The following SH3PXD2B variants were observed in gnomAD, a reference collection of about 807,000 sequenced individuals.
SH3PXD2B encodes the protein SH3 and PX domain-containing protein 2B.
Under a neutral mutation model 73.1 loss-of-function variants are expected in SH3PXD2B, and 37 were observed. The ratio of observed to expected loss-of-function variants is 0.51; its 90% CI spans 0.39 to 0.67. SH3PXD2B has a LOEUF of 0.67. Ranked by LOEUF, SH3PXD2B falls within the 30% of genes least tolerant of loss-of-function variation. The pLI is 0.00. For synonymous variants in SH3PXD2B, 457 were observed against 480.5 expected (o/e 0.95, Z 0.64); for missense variants, 1,053 against 1,197.8 (o/e 0.88, Z 1.78).
intron 4 of SH3PXD2B, among the ~76,000 whole-genome samples, chr5:172,391,547 C>T (rs1451796465): frequency 2.0e-5 from 3 of 152,206 alleles, no homozygotes; most frequent in Non-Finnish European, 4.4e-5. Flanking sequence ...ACTGCAACCT[C>T]CACCTCCTGG....
chr5:172,369,455 G>A (rs74291583), intron 6 of SH3PXD2B, among the ~76,000 whole-genome samples: 5,806 of 152,202 alleles, frequency 0.038, 200 homozygotes, highest in South Asian at 0.2. Context: ...GTAAGTGTCT[G>A]AATGAAGGAA....
At chr5:172,423,584 T>G (rs974489629) in intron 1 of SH3PXD2B, among the ~76,000 whole-genome samples, 7 of 149,302 alleles carry the variant, frequency 4.7e-5, no homozygotes, top group Non-Finnish European at 7.4e-5. Flanking sequence ...TGGTGATTGG[T>G]TGAAGGGAGA....
At chr5:172,358,951 T>G in intron 7 of SH3PXD2B, 74 bp from the exon 8 acceptor site, 5 of 1,369,038 alleles carry the variant, frequency 3.7e-6, no homozygotes, top group South Asian at 1.2e-5. Flanking sequence ...TAATAATCTA[T>G]TCAGCCACTG....
chr5:172,393,383 G>A (rs904568358), intron 4 of SH3PXD2B, among the ~76,000 whole-genome samples: 4 of 152,040 alleles, frequency 2.6e-5, no homozygotes, highest in African/African-American at 4.8e-5. Flanking sequence ...AAATACAATT[G>A]TTTTCTGTAT....
At chr5:172,443,184 A>C (rs903455582) in intron 1 of SH3PXD2B, among the ~76,000 whole-genome samples, 1 of 152,234 alleles carries the variant, frequency 6.6e-6, no homozygotes, top group Non-Finnish European at 1.5e-5. Context: ...ACTTGGAAAT[A>C]GTAAGGAGTA....
Position 172,337,466 on chromosome 5 carries a change from G to A in SH3PXD2B, c.*903C>T, listed in dbSNP as rs1381451949. 17 of 984,364 alleles carry A rather than the reference G, an allele frequency of 1.7e-5. No homozygotes were observed. The highest frequency in any genetic ancestry group is 1.9e-5 in the Non-Finnish European group (16 of 829,054). 61.0% of individuals were successfully genotyped at this position (984,364 alleles called of 1,614,324 possible). On this transcript the variant is annotated 3_prime_UTR_variant, in exon 13 of 13. Coordinates refer to ENST00000311601, the MANE Select transcript of SH3PXD2B (RefSeq NM_001017995.3). Reference sequence around the variant, plus strand: ...GTGAGGGTCAAAGCATGAATGCAAAGCGCCAAGTACAGTGTTTGGCACCCA... The same window carrying A: ...GTGAGGGTCAAAGCATGAATGCAAAACGCCAAGTACAGTGTTTGGCACCCA...
chr5:172,338,252 AC>A lies in SH3PXD2B; in HGVS notation c.*116del. On this transcript the variant is annotated 3_prime_UTR_variant, in exon 13 of 13. Transcript: ENST00000311601. This position sits in a 1 kb window ranked among gnomAD's most constrained non-coding sequence, Gnocchi z 5.1. ...CCCATGGGAGGCAAGAAGTCACAGT[AC>A]CCCAGAGTCTGTCTGCCTTGGAAGC... is the stretch of plus-strand genomic sequence containing the variant. 3.2e-6 allele frequency: 5 copies of A among 1,585,264 alleles called. No individual in the cohort carries two copies. The highest frequency in any genetic ancestry group is 3.4e-6 in the Non-Finnish European group (4 of 1,167,416).
intron 5 of SH3PXD2B, among the ~76,000 whole-genome samples, chr5:172,381,238 T>G (rs919664219): frequency 2.0e-5 from 3 of 152,216 alleles, no homozygotes; most frequent in Non-Finnish European, 4.4e-5. Context: ...GAACAGAGCC[T>G]GGCTGGTACT....
chr5:172,362,674 T>C lies in SH3PXD2B; in HGVS notation c.562+61A>G. On this transcript the variant is annotated intron_variant, in intron 7 of 12. Transcript: ENST00000311601. ...ATTTCAGTTTCTGAGTTTCCAAATG[T>C]TTCATGTCCCAGGGGCTTGGTGGCA... 2.5e-6 allele frequency: 4 copies of C among 1,613,030 alleles called. No homozygotes were observed. The South Asian group carries it at 3.3e-5, about 13-fold the overall frequency.
At chr5:172,416,474 C>T (rs1224963805) in intron 2 of SH3PXD2B, among the ~76,000 whole-genome samples, 1 of 151,716 alleles carries the variant, frequency 6.6e-6, no homozygotes, top group Non-Finnish European at 1.5e-5. Context: ...ATTACAGGTG[C>T]CCACAACCAC....
chr5:172,366,910 G>A (rs1757539242), intron 6 of SH3PXD2B, among the ~76,000 whole-genome samples: 1 of 145,012 alleles, frequency 6.9e-6, no homozygotes, highest in Admixed American at 7.2e-5. Flanking sequence ...GGGATTATAG[G>A]TGTGAGCCAT....
chr5:172,432,954 C>G (rs1230352854), intron 1 of SH3PXD2B, among the ~76,000 whole-genome samples: 1 of 149,418 alleles, frequency 6.7e-6, no homozygotes, highest in East Asian at 2.0e-4. Flanking sequence ...ATTGACTGTA[C>G]CATATCTAAA....
At chr5:172,422,885 C>G (rs1759005193) in intron 1 of SH3PXD2B, among the ~76,000 whole-genome samples, 1 of 152,220 alleles carries the variant, frequency 6.6e-6, no homozygotes, top group Non-Finnish European at 1.5e-5. Flanking sequence ...AGACGTGCAG[C>G]TCTTGGCCAT....
chr5:172,353,074 G>A lies in SH3PXD2B; in HGVS notation c.785+814C>T, dbSNP rs60706114. 0.038 allele frequency among the ~76,000 whole-genome samples: 5,755 copies of A among 152,164 alleles called. 188 individuals carry two copies. Among genetic ancestry groups the A allele is most frequent in the African/African-American group, 0.093 (3,877 of 41,486 alleles). Reference sequence around the variant, plus strand: ...TTGTCTTCTGTACCAGGTGGTGTGAGCTATTGTATCTTGCTCACTGTTGAC... The same window carrying A: ...TTGTCTTCTGTACCAGGTGGTGTGAACTATTGTATCTTGCTCACTGTTGAC... On this transcript the variant is annotated intron_variant, in intron 9 of 12. Transcript: ENST00000311601. The surrounding 1 kb of genome is among the most constrained non-coding windows in gnomAD (Gnocchi z 4.3).
chr5:172,373,580 GCATCCATCCATCCATC>G (rs10625047), intron 6 of SH3PXD2B, among the ~76,000 whole-genome samples, 194 bp downstream of exon 6: 6 of 147,666 alleles, frequency 4.1e-5, no homozygotes, highest in Admixed American at 1.4e-4. Flanking sequence ...AATCAATCAA[GCATCCATCCATCCATC>G]CATCCATCCA....
Position 172,339,990 on chromosome 5 carries a change from A to T in SH3PXD2B, c.1189-74T>A. ...CAGATGGAATGGTTTGGCAGAACCCATGTGCAACTGGAGCTCTAGAAGCTG... is the reference window on the plus strand; with the variant it reads ...CAGATGGAATGGTTTGGCAGAACCCTTGTGCAACTGGAGCTCTAGAAGCTG... On this transcript the variant is annotated intron_variant, in intron 12 of 12. Transcript: ENST00000311601. This position sits in a 1 kb window ranked among gnomAD's most constrained non-coding sequence, Gnocchi z 6.1. 2.5e-6 allele frequency: 4 copies of T among 1,592,730 alleles called. No individual in the cohort carries two copies. Among genetic ancestry groups the T allele is most frequent in the Non-Finnish European group, 3.4e-6 (4 of 1,169,724 alleles).
chr5:172,398,465 C>A (rs1173190194), intron 3 of SH3PXD2B, among the ~76,000 whole-genome samples: 1 of 152,140 alleles, frequency 6.6e-6, no homozygotes, highest in Non-Finnish European at 1.5e-5. Flanking sequence ...TTTCCCCAGG[C>A]CTATATTCTT....
Position 172,346,192 on chromosome 5 carries a change from C to T in SH3PXD2B, c.1132G>A (p.Glu378Lys), listed in dbSNP as rs1193667826. The T allele has an allele frequency of 1.4e-5, 22 of 1,613,996 alleles. No homozygotes were observed. The highest frequency in any genetic ancestry group is 1.7e-5 in the Admixed American group (1 of 59,994). Reference sequence around the variant, plus strand: ...CCGTCTGGGATGGTTGTCTGGAATTCGGCGATGGTGTAATACTCTTCCTCC... The same window carrying T: ...CCGTCTGGGATGGTTGTCTGGAATTTGGCGATGGTGTAATACTCTTCCTCC... The part of the protein sequence containing the change: ...QVEEEYYTIA[E>K]FQTTIPDGIS... The change falls in exon 12 of 13, where the codon GAA (glutamate) becomes AAA (lysine). Residue 378 changes from glutamate to lysine, a missense_variant. Transcript: ENST00000311601.
chr5:172,450,038 C>T (rs1332861575), intron 1 of SH3PXD2B, among the ~76,000 whole-genome samples: 1 of 152,026 alleles, frequency 6.6e-6, no homozygotes, highest in African/African-American at 2.4e-5. Context: ...ATTAAAAGGT[C>T]CATGGGCTGT....
Sources: allele counts gnomAD v4.1 joint callset (sites outside exome capture counted in the v4.1 genomes callset), GRCh38; gene constraint gnomAD v4.1.1; non-coding constraint Gnocchi (gnomAD v3.1); transcripts MANE v1.5; gene names NCBI Gene and HGNC (gene_info 2026-07-23, HGNC 2026-07-21).